Variants in LUZP2 observed in about 807,000 individuals in gnomAD.
LUZP2 encodes the protein leucine zipper protein 2.
In LUZP2, 52 loss-of-function variants were observed where a neutral mutation model predicts 51.6. The observed-to-expected ratio is 1.01, with a 90% confidence interval of 0.81 to 1.27. The LOEUF is 1.27. LUZP2 is among the 50% of genes most tolerant of loss of function. The pLI is 0.00. For synonymous variants in LUZP2, 154 were observed against 137.3 expected (o/e 1.12, Z -0.85); for missense variants, 436 against 395.4 (o/e 1.10, Z -0.87).
chr11:24,725,450 AT>A (rs1437361157), intron 1 of LUZP2, among the ~76,000 whole-genome samples: 2 of 152,108 alleles, frequency 1.3e-5, no homozygotes, highest in African/African-American at 4.8e-5. Context: ...ACAAAAATCA[AT>A]TGGGTAGTTT....
intron 10 of LUZP2, among the ~76,000 whole-genome samples, chr11:25,073,969 C>G (rs550890925): frequency 6.6e-6 from 1 of 152,030 alleles, no homozygotes; most frequent in Non-Finnish European, 1.5e-5. Context: ...CGAAGCCCAG[C>G]GAAAAATAAC....
chr11:25,039,926 G>A (rs1463791757), intron 9 of LUZP2, among the ~76,000 whole-genome samples: 1 of 151,956 alleles, frequency 6.6e-6, no homozygotes, highest in Non-Finnish European at 1.5e-5. Flanking sequence ...TATCACTACA[G>A]ACACTTTCTC....
At chr11:24,670,876 T>C (rs1355386293) in intron 1 of LUZP2, among the ~76,000 whole-genome samples, 1 of 151,962 alleles carries the variant, frequency 6.6e-6, no homozygotes, top group African/African-American at 2.4e-5. Context: ...CTACTGATTT[T>C]TAATTAGTTT....
At chr11:24,594,079 A>T (rs763654127) in intron 1 of LUZP2, among the ~76,000 whole-genome samples, 1 of 152,206 alleles carries the variant, frequency 6.6e-6, no homozygotes. Context: ...TCCTAAATGC[A>T]CTATCGTTTC....
intron 1 of LUZP2, among the ~76,000 whole-genome samples, chr11:24,546,763 G>C (rs531746396): frequency 6.6e-6 from 1 of 152,112 alleles, no homozygotes; most frequent in East Asian, 1.9e-4. Context: ...CCAGGTTTTT[G>C]TATCAGAATG....
At chr11:25,048,595 A>C (rs182651387) in intron 9 of LUZP2, among the ~76,000 whole-genome samples, 12 of 152,306 alleles carry the variant, frequency 7.9e-5, no homozygotes, top group East Asian at 5.8e-4. Context: ...TTATTGAATA[A>C]ATTTAATAGG....
At chr11:24,657,435 A>G (rs1032056730) in intron 1 of LUZP2, among the ~76,000 whole-genome samples, 2 of 152,202 alleles carry the variant, frequency 1.3e-5, no homozygotes, top group East Asian at 3.9e-4. Flanking sequence ...TTTCAAAATA[A>G]TAAGAGCTAT....
chr11:24,699,141 C>A (rs1306332550), intron 1 of LUZP2, among the ~76,000 whole-genome samples: 1 of 149,054 alleles, frequency 6.7e-6, no homozygotes, highest in Non-Finnish European at 1.5e-5. Flanking sequence ...AACAATAACT[C>A]TCTCTATTCA....
chr11:24,791,584 A>AG (rs1849411075), intron 5 of LUZP2, among the ~76,000 whole-genome samples: 4 of 152,086 alleles, frequency 2.6e-5, no homozygotes, highest in Admixed American at 2.0e-4. Flanking sequence ...TTGCATGTAA[A>AG]GCAGCTTGTA....
intron 1 of LUZP2, among the ~76,000 whole-genome samples, chr11:24,726,607 G>A (rs1487315860): frequency 6.6e-6 from 1 of 151,980 alleles, no homozygotes; most frequent in African/African-American, 2.4e-5. Context: ...AAGTACTCAG[G>A]AATTCTTTTG....
intron 1 of LUZP2, among the ~76,000 whole-genome samples, chr11:24,683,174 C>T (rs1257685062): frequency 6.6e-6 from 1 of 152,188 alleles, no homozygotes; most frequent in African/African-American, 2.4e-5. Context: ...GACAGGCCGG[C>T]AGGCTAGACA....
At chr11:24,741,936 TAA>T (rs372253475) in intron 4 of LUZP2, among the ~76,000 whole-genome samples, 1 of 29,978 alleles carries the variant, frequency 3.3e-5, no homozygotes, top group Non-Finnish European at 8.0e-5. Context: ...ATATTATATA[TAA>T]ATATATACAT....
At chr11:24,961,411 C>T (rs1222418231) in intron 7 of LUZP2, among the ~76,000 whole-genome samples, 1 of 152,070 alleles carries the variant, frequency 6.6e-6, no homozygotes, top group Non-Finnish European at 1.5e-5. Flanking sequence ...TCAGGACTTG[C>T]TTTATGAATC....
intron 1 of LUZP2, among the ~76,000 whole-genome samples, chr11:24,551,975 G>A (rs189678993): frequency 6.1e-4 from 92 of 151,740 alleles, no homozygotes; most frequent in African/African-American, 2.1e-3. Context: ...CAGGCAACAG[G>A]CCCAACTGGC....
intron 5 of LUZP2, among the ~76,000 whole-genome samples, chr11:24,904,634 G>T (rs185437235): frequency 6.6e-5 from 10 of 152,216 alleles, no homozygotes; most frequent in Non-Finnish European, 1.0e-4. Context: ...CTTTTGATTT[G>T]TGTTCTTGGT....
intron 7 of LUZP2, among the ~76,000 whole-genome samples, chr11:24,962,433 G>T (rs1855441411): frequency 6.6e-6 from 1 of 152,126 alleles, no homozygotes; most frequent in African/African-American, 2.4e-5. Flanking sequence ...TTTTCACATA[G>T]TCCCATATTT....
At position 24,930,036 on chromosome 11, in the gene LUZP2, T is replaced by C. The variant is rs865898934; in HGVS notation, c.522+15498T>C. Reference sequence around the variant, plus strand: ...TACTTTAAAGTTTGTTTGTCTGATATAAGAATAGCTACTGTTGTTCACTTT... The same window carrying C: ...TACTTTAAAGTTTGTTTGTCTGATACAAGAATAGCTACTGTTGTTCACTTT... On this transcript the variant is annotated intron_variant, in intron 7 of 11. Coordinates refer to ENST00000336930, the MANE Select transcript of LUZP2 (RefSeq NM_001009909.4). 6.6e-5 allele frequency among the ~76,000 whole-genome samples: 10 copies of C among 152,350 alleles called. No individual in the cohort carries two copies. The South Asian group carries it at 1.4e-3, about 22-fold the overall frequency.
intron 1 of LUZP2, among the ~76,000 whole-genome samples, chr11:24,522,487 G>A (rs547912468): frequency 9.2e-5 from 14 of 152,202 alleles, no homozygotes; most frequent in South Asian, 2.1e-4. Context: ...AACCAATAGA[G>A]GCTTCTCAGT....
intron 1 of LUZP2, among the ~76,000 whole-genome samples, chr11:24,674,408 A>G (rs901334313): frequency 1.3e-5 from 2 of 152,160 alleles, no homozygotes; most frequent in Non-Finnish European, 2.9e-5. Flanking sequence ...GCTTTTCCAG[A>G]CAAGTGTCCC....
Sources: allele counts gnomAD v4.1 joint callset (sites outside exome capture counted in the v4.1 genomes callset), GRCh38; gene constraint gnomAD v4.1.1; transcripts MANE v1.5; gene names NCBI Gene and HGNC (gene_info 2026-07-23, HGNC 2026-07-21).